Variants in TG observed in about 807,000 individuals in gnomAD.
The protein encoded by TG is thyroid hormones.
TG carries 270 observed loss-of-function variants against 324.7 expected under a neutral mutation model. That is an observed-to-expected ratio of 0.83 (90% CI 0.75 to 0.92). The LOEUF (loss-of-function observed/expected upper bound fraction) is 0.92, where lower values mean the gene tolerates loss of function less well. TG is among the 40% of genes least tolerant of loss of function. The pLI, the probability that TG is intolerant of heterozygous loss-of-function variation, is 0.00. For synonymous variants in TG, 1,401 were observed against 1,327.0 expected (o/e 1.06, Z -1.21); for missense variants, 3,591 against 3,456.4 (o/e 1.04, Z -0.98).
intron 41 of TG, among the ~76,000 whole-genome samples, chr8:133,057,950 G>A (rs1841760855): frequency 1.3e-5 from 2 of 152,246 alleles, no homozygotes; most frequent in African/African-American, 2.4e-5. Context: ...GGTCTGTGGT[G>A]CCTCTCTGGC....
At chr8:132,867,356 T>C (rs1839031995) in intron 1 of TG, among the ~76,000 whole-genome samples, 1 of 152,298 alleles carries the variant, frequency 6.6e-6, no homozygotes, top group Admixed American at 6.5e-5. Context: ...CTTTTGGCAT[T>C]GACCTTGGGT....
chr8:132,910,784 C>G (rs1284243771), intron 18 of TG, among the ~76,000 whole-genome samples: 3 of 152,192 alleles, frequency 2.0e-5, no homozygotes, highest in Admixed American at 6.5e-5. Context: ...TCCAAATGCA[C>G]TAAGACACCC....
intron 45 of TG, among the ~76,000 whole-genome samples, chr8:133,126,472 G>T (rs968822182): frequency 8.6e-5 from 13 of 150,662 alleles, no homozygotes; most frequent in Admixed American, 2.0e-4. Context: ...GGTTAATCTA[G>T]CAAGATAGTT....
intron 41 of TG, among the ~76,000 whole-genome samples, chr8:133,085,622 T>G (rs1297627280): frequency 1.3e-5 from 2 of 152,172 alleles, no homozygotes; most frequent in East Asian, 3.9e-4. Flanking sequence ...ACACTATTAG[T>G]CAGTCATCAG....
At chr8:133,133,782 C>A in intron 47 of TG, 122 bp downstream of exon 47, 1 of 1,101,616 alleles carries the variant, frequency 9.1e-7, no homozygotes, top group Non-Finnish European at 1.4e-6. Context: ...GCCAATGGCA[C>A]AGCCCCTTCC....
In TG at chr8:133,029,426, G is replaced by A. The variant is rs183859152; in HGVS notation, c.7037-395G>A. On this transcript the variant is annotated intron_variant, in intron 40 of 47. Coordinates refer to ENST00000220616, the MANE Select transcript of TG (RefSeq NM_003235.5). ...AGGGGTCAAAGACATGGGGCAGAGA[G>A]TTCACCTCCTTCCCACTGATTGGCC... Among the ~76,000 whole-genome samples the A allele has an allele frequency of 3.9e-5, 6 of 152,320 alleles. No individual in the cohort carries two copies. The East Asian group carries it at 5.8e-4, about 15-fold the overall frequency.
At chr8:133,041,645 G>T (rs1838263160) in intron 41 of TG, among the ~76,000 whole-genome samples, 1 of 151,934 alleles carries the variant, frequency 6.6e-6, no homozygotes, top group African/African-American at 2.4e-5. Flanking sequence ...TCCTTCCTTA[G>T]ACAGGTTAAT....
intron 27 of TG, among the ~76,000 whole-genome samples, chr8:132,954,906 A>C (rs140309770): frequency 4.9e-4 from 74 of 152,312 alleles, no homozygotes; most frequent in African/African-American, 1.7e-3. Flanking sequence ...TGGGATGTAG[A>C]GATCCTGATA....
At position 132,964,857 on chromosome 8, in the gene TG, G is replaced by A. The variant is rs890684404; in HGVS notation, c.5549-1703G>A. ...TGTCGGTTGCAGTGAGAATGCAGGA[G>A]AAGGAATGCTAGCAGCCTGCAGGGG... On this transcript the variant is annotated intron_variant, in intron 29 of 47. Coordinates refer to ENST00000220616, the MANE Select transcript of TG (RefSeq NM_003235.5). 7 of 700,378 alleles carry A rather than the reference G, an allele frequency of 1.0e-5. No individual in the cohort carries two copies. The African/African-American group carries it at 1.2e-4, about 12-fold the overall frequency. The allele number at this position is 700,378 out of a possible 1,614,324, so 43.4% of individuals were successfully genotyped here. A position where few individuals can be genotyped will look rare whatever the true frequency, so the allele number is the denominator to read the frequency against.
intron 35 of TG, among the ~76,000 whole-genome samples, chr8:133,010,393 C>A (rs1174241136): frequency 1.3e-5 from 2 of 152,084 alleles, no homozygotes; most frequent in Admixed American, 6.5e-5. Context: ...AAGGTAAATG[C>A]TACCAAATAT....
intron 5 of TG, among the ~76,000 whole-genome samples, chr8:132,874,931 C>G (rs1239083711): frequency 6.6e-6 from 1 of 152,116 alleles, no homozygotes; most frequent in Non-Finnish European, 1.5e-5. Context: ...GTTGCCACAC[C>G]ACTGCCTACC....
At chr8:132,963,250 G>A (rs1398887242) in intron 29 of TG, among the ~76,000 whole-genome samples, 176 bp downstream of exon 29, 4 of 152,160 alleles carry the variant, frequency 2.6e-5, no homozygotes. Flanking sequence ...AAGCTCCTCA[G>A]ATGGGCAATT....
chr8:132,892,583 G>A (rs1314502028), intron 10 of TG, among the ~76,000 whole-genome samples: 2 of 152,212 alleles, frequency 1.3e-5, no homozygotes, highest in African/African-American at 2.4e-5. Flanking sequence ...AACATTCCAG[G>A]TTGTGGAAAG....
rs371610789 is a variant in TG, at chr8:133,012,034, G to A, written c.6396G>A (p.Ser2132=). 9.4e-5 allele frequency: 152 copies of A among 1,614,152 alleles called. No homozygotes were observed. The highest frequency in any genetic ancestry group is 2.3e-4 in the South Asian group (21 of 91,078). ...NFSAVRDLCL[S]ECSQHEACLI... ...CTGCTGTCCGAGACCTCTGTTTGTC[G>A]GGTAAGGGGAGTTTCCAACCCACAG... The change falls in exon 36 of 48, where the codon TCG becomes TCA. Residue 2132 remains serine (S), a splice_region_variant and synonymous_variant. Coordinates refer to ENST00000220616, the MANE Select transcript of TG (RefSeq NM_003235.5).
intron 43 of TG, among the ~76,000 whole-genome samples, chr8:133,105,320 T>C (rs993227116): frequency 6.6e-6 from 1 of 152,210 alleles, no homozygotes; most frequent in African/African-American, 2.4e-5. Flanking sequence ...GGAGATGTGC[T>C]GTGAACTAGG....
At chr8:133,041,126 T>A (rs1426587718) in intron 41 of TG, among the ~76,000 whole-genome samples, 4 of 152,226 alleles carry the variant, frequency 2.6e-5, no homozygotes, top group Admixed American at 6.5e-5. Flanking sequence ...ACCCCAGTGC[T>A]TCTCCTGTGC....
In TG at chr8:132,883,192, T is replaced by C. The variant is rs1814908583; in HGVS notation, c.1075+193T>C. On this transcript the variant is annotated intron_variant, in intron 8 of 47. Transcript: ENST00000220616. ...CATGTTTCTCATCTTGTGTCAGACC[T>C]CGTTGCATTTTCAGGGAGCTCAGGG... The C allele has an allele frequency of 4.8e-6, 3 of 630,526 alleles. No homozygotes were observed. In the East Asian group the frequency reaches 8.4e-5, roughly 18 times the overall value. 39.1% of individuals were successfully genotyped at this position (630,526 alleles called of 1,614,324 possible).
chr8:132,938,541 C>G (rs543654579), intron 25 of TG, among the ~76,000 whole-genome samples: 2 of 152,250 alleles, frequency 1.3e-5, no homozygotes, highest in East Asian at 3.9e-4. Context: ...CACTGCGGTG[C>G]AATAAGCACT....
At chr8:132,880,450 T>C (rs181259790) in intron 5 of TG, among the ~76,000 whole-genome samples, 125 of 152,348 alleles carry the variant, frequency 8.2e-4, no homozygotes, top group African/African-American at 2.9e-3. Context: ...AATGAACTTT[T>C]ATTATATACC....
Sources: gnomAD v4.1 joint callset for allele counts (sites outside exome capture counted in the v4.1 genomes callset) on GRCh38, gnomAD v4.1.1 for gene constraint, MANE v1.5 for transcripts, NCBI Gene and HGNC (gene_info 2026-07-23, HGNC 2026-07-21) for gene names.